SMIM21: variants seen among roughly 807,000 people sequenced by gnomAD.
The protein encoded by SMIM21 is small integral membrane protein 21.
A neutral mutation model predicts 8.6 loss-of-function variants in SMIM21; 8 were observed. The observed-to-expected ratio is 0.93, with a 90% CI of 0.55 to 1.68. The LOEUF (loss-of-function observed/expected upper bound fraction) is 1.68, where lower values mean the gene tolerates loss of function less well. Among genes scored for constraint, SMIM21 ranks in the 40% most tolerant of loss-of-function variants. The pLI, the probability that SMIM21 is intolerant of heterozygous loss-of-function variation, is 0.00. For synonymous variants in SMIM21, 43 were observed against 41.7 expected (o/e 1.03, Z -0.12); for missense variants, 132 against 123.0 (o/e 1.07, Z -0.35).
At chr18:75,411,359 G>A (rs940961150) in intron 2 of SMIM21, among the ~76,000 whole-genome samples, 1 of 152,206 alleles carries the variant, frequency 6.6e-6, no homozygotes, top group African/African-American at 2.4e-5. Context: ...TGAGACCATT[G>A]GGCAAAGAAC....
Position 75,427,684 on chromosome 18 carries a change from A to G in SMIM21, c.-121T>C, listed in dbSNP as rs889139365. The G allele has an allele frequency of 8.7e-6, 9 of 1,029,420 alleles. No homozygotes were observed. Among genetic ancestry groups the G allele is most frequent in the African/African-American group, 3.2e-5 (2 of 62,724 alleles). The allele number at this position is 1,029,420 out of a possible 1,614,324, so 63.8% of individuals were successfully genotyped here. A position where few individuals can be genotyped will look rare whatever the true frequency, so the allele number is the denominator to read the frequency against. On this transcript the variant is annotated 5_prime_UTR_variant, in exon 1 of 3. Coordinates refer to ENST00000579022, the MANE Select transcript of SMIM21 (RefSeq NM_001037331.3). Reference sequence around the variant, plus strand: ...CAAGGAGCTTTTCTCTTCTTTGCCAACCTTGAAGATCTGGGTATTATTTTA... The same window carrying G: ...CAAGGAGCTTTTCTCTTCTTTGCCAGCCTTGAAGATCTGGGTATTATTTTA...
At chr18:75,427,380 C>A (rs7235563) in intron 1 of SMIM21, 55 bp downstream of exon 1, 2 of 1,582,046 alleles carry the variant, frequency 1.3e-6, no homozygotes, top group Non-Finnish European at 8.6e-7. Flanking sequence ...TAGGACCATA[C>A]CTGTGCAGTG....
At chr18:75,416,772 G>A (rs939648462) in intron 2 of SMIM21, 13 of 141,446 alleles carry the variant, frequency 9.2e-5, no homozygotes, top group African/African-American at 3.4e-4. Context: ...ATAGATTAGA[G>A]ACCCTTGTGT....
rs1413782865 is a variant in SMIM21, at chr18:75,418,952, T to G, written c.130-36A>C. 6.2e-6 allele frequency: 9 copies of G among 1,443,662 alleles called. No individual in the cohort carries two copies. The East Asian group carries it at 2.1e-4, about 33-fold the overall frequency. 89.4% of individuals were successfully genotyped at this position (1,443,662 alleles called of 1,614,324 possible). A position where few individuals can be genotyped will look rare whatever the true frequency, so the allele number is the denominator to read the frequency against. ...AAATAATTACAGTTACTATTTACAGTGTCTGGCTTTTCAAGCTTCATGCTA... is the reference window on the plus strand; with the variant it reads ...AAATAATTACAGTTACTATTTACAGGGTCTGGCTTTTCAAGCTTCATGCTA... On this transcript the variant is annotated intron_variant, in intron 1 of 2. Coordinates refer to ENST00000579022, the MANE Select transcript of SMIM21 (RefSeq NM_001037331.3).
intron 1 of SMIM21, among the ~76,000 whole-genome samples, chr18:75,423,917 G>A (rs781679978): frequency 2.6e-5 from 4 of 152,128 alleles, no homozygotes; most frequent in African/African-American, 7.2e-5. Flanking sequence ...TTAGTGACAC[G>A]TTTTTGGAAT....
intron 2 of SMIM21, among the ~76,000 whole-genome samples, chr18:75,414,082 C>CACACACATACACAT (rs1491079415): frequency 3.9e-5 from 3 of 76,674 alleles, no homozygotes; most frequent in African/African-American, 3.9e-4. Context: ...GTCTCACACA[C>CACACACATACACAT]ACACACACAC....
intron 1 of SMIM21, among the ~76,000 whole-genome samples, chr18:75,422,231 G>C (rs1043879865): frequency 6.6e-6 from 1 of 152,164 alleles, no homozygotes. Flanking sequence ...GCACCATGGA[G>C]AGGGATATGG....
At chr18:75,414,218 T>C (rs771006842) in intron 2 of SMIM21, among the ~76,000 whole-genome samples, 2 of 152,096 alleles carry the variant, frequency 1.3e-5, no homozygotes, top group African/African-American at 2.4e-5. Context: ...ACATAAAATT[T>C]ATTATCAAAG....
At chr18:75,417,654 G>A (rs2024662143) in intron 2 of SMIM21, 1 of 152,256 alleles carries the variant, frequency 6.6e-6, no homozygotes, top group Non-Finnish European at 1.5e-5. Flanking sequence ...CGGCTCTCTA[G>A]GGTTAGCTTG....
At chr18:75,421,452 C>G (rs2024707621) in intron 1 of SMIM21, among the ~76,000 whole-genome samples, 1 of 151,810 alleles carries the variant, frequency 6.6e-6, no homozygotes, top group African/African-American at 2.4e-5. Flanking sequence ...ATGGGTCTGG[C>G]TGGCAGGACC....
chr18:75,418,061 G>A (rs1489249275), intron 2 of SMIM21: 2 of 395,932 alleles, frequency 5.1e-6, no homozygotes, highest in African/African-American at 2.1e-5. Context: ...GGAAGAGCTT[G>A]TGCCCACTGG....
chr18:75,420,185 A>T (rs2024694170), intron 1 of SMIM21, among the ~76,000 whole-genome samples: 1 of 152,150 alleles, frequency 6.6e-6, no homozygotes, highest in Non-Finnish European at 1.5e-5. Context: ...GTACTTAGCC[A>T]CCCTTCTGTT....
intron 1 of SMIM21, among the ~76,000 whole-genome samples, chr18:75,425,311 T>G (rs1448094024): frequency 6.6e-6 from 1 of 152,132 alleles, no homozygotes; most frequent in African/African-American, 2.4e-5. Flanking sequence ...GATGCATGAA[T>G]ACCTAAGAAG....
intron 2 of SMIM21, among the ~76,000 whole-genome samples, 174 bp downstream of exon 2, chr18:75,418,610 AAT>A: frequency 6.6e-6 from 1 of 152,260 alleles, no homozygotes; most frequent in East Asian, 1.9e-4. Context: ...CATCTGGCCT[AAT>A]TTCCTTTTTA....
chr18:75,422,408 GTTCT>G (rs1238525597), intron 1 of SMIM21, among the ~76,000 whole-genome samples: 1 of 151,886 alleles, frequency 6.6e-6, no homozygotes, highest in Non-Finnish European at 1.5e-5. Context: ...CAGACTGACT[GTTCT>G]TCAAAATATT....
intron 2 of SMIM21, among the ~76,000 whole-genome samples, chr18:75,415,459 C>T (rs538923739): frequency 6.6e-6 from 1 of 152,296 alleles, no homozygotes; most frequent in East Asian, 1.9e-4. Context: ...GAATGGATGA[C>T]CCCGACGTGT....
chr18:75,422,090 A>G (rs1019049726), intron 1 of SMIM21, among the ~76,000 whole-genome samples: 1 of 152,148 alleles, frequency 6.6e-6, no homozygotes, highest in Non-Finnish European at 1.5e-5. Flanking sequence ...GACCCCCAGT[A>G]GTCCAGCCAA....
chr18:75,414,075 T>TCACACACACACACATACACA (rs1242532140), intron 2 of SMIM21, among the ~76,000 whole-genome samples: 2 of 126,036 alleles, frequency 1.6e-5, no homozygotes, highest in African/African-American at 5.5e-5. Context: ...TCTCTCTGTC[T>TCACACACACACACATACACA]CACACACACA....
intron 1 of SMIM21, among the ~76,000 whole-genome samples, chr18:75,419,539 C>A (rs1161601570): frequency 6.6e-6 from 1 of 151,884 alleles, no homozygotes; most frequent in Non-Finnish European, 1.5e-5. Context: ...GGCTGAAAGA[C>A]CATAAACAAA....
Sources: allele counts gnomAD v4.1 joint callset (sites outside exome capture counted in the v4.1 genomes callset), GRCh38; gene constraint gnomAD v4.1.1; transcripts MANE v1.5; gene names NCBI Gene and HGNC (gene_info 2026-07-23, HGNC 2026-07-21).